The following CEP128 variants were observed in gnomAD, a reference collection of about 807,000 sequenced individuals.
The protein encoded by CEP128 is centrosomal protein 128.
Under a neutral mutation model 156.7 loss-of-function variants are expected in CEP128, and 132 were observed. The ratio of observed to expected loss-of-function variants is 0.84; its 90% CI spans 0.73 to 0.97. The LOEUF (loss-of-function observed/expected upper bound fraction) is 0.97, where lower values mean the gene tolerates loss of function less well. CEP128 is among the 50% of genes least tolerant of loss of function. The pLI is 0.00. For missense variants in CEP128, 1,252 were observed against 1,281.9 expected (o/e 0.98, Z 0.36); for synonymous variants, 469 against 448.9 (o/e 1.04, Z -0.57).
chr14:80,796,961 G>A (rs1883522811), intron 13 of CEP128, among the ~76,000 whole-genome samples: 1 of 152,206 alleles, frequency 6.6e-6, no homozygotes. Flanking sequence ...GAAATGAGCT[G>A]AATTGTGTAT....
chr14:80,832,708 G>T (rs1885871478), intron 12 of CEP128, among the ~76,000 whole-genome samples: 1 of 152,122 alleles, frequency 6.6e-6, no homozygotes, highest in African/African-American at 2.4e-5. Flanking sequence ...TGTTTTTAGG[G>T]AAAGCACATA....
intron 19 of CEP128, among the ~76,000 whole-genome samples, chr14:80,666,971 T>C (rs1337320305): frequency 1.3e-5 from 2 of 152,108 alleles, no homozygotes; most frequent in Non-Finnish European, 2.9e-5. Flanking sequence ...ATAAGTACTA[T>C]ATAAAAACAA....
chr14:80,580,663 C>A (rs899611285), intron 19 of CEP128, among the ~76,000 whole-genome samples: 2 of 152,120 alleles, frequency 1.3e-5, no homozygotes, highest in African/African-American at 4.8e-5. Context: ...CTCAGCTTTA[C>A]CTGACATACC....
At chr14:80,549,147 T>C (rs886841870) in intron 21 of CEP128, among the ~76,000 whole-genome samples, 2 of 152,176 alleles carry the variant, frequency 1.3e-5, no homozygotes, top group Non-Finnish European at 2.9e-5. Flanking sequence ...GGAGAATGTC[T>C]AGATTGTTTC....
At chr14:80,832,452 T>C (rs1885857072) in intron 12 of CEP128, among the ~76,000 whole-genome samples, 1 of 152,264 alleles carries the variant, frequency 6.6e-6, no homozygotes, top group African/African-American at 2.4e-5. Context: ...ACATCATTCA[T>C]AAAATACATT....
intron 21 of CEP128, among the ~76,000 whole-genome samples, chr14:80,540,201 C>A (rs568119931): frequency 2.7e-5 from 4 of 149,240 alleles, no homozygotes; most frequent in African/African-American, 9.9e-5. Flanking sequence ...TCTTACACCC[C>A]CCCCCCTTTT....
At chr14:80,569,567 ACTTT>A (rs577354443) in intron 20 of CEP128, among the ~76,000 whole-genome samples, 181 of 152,322 alleles carry the variant, frequency 1.2e-3, no homozygotes, top group African/African-American at 4.3e-3. Flanking sequence ...TCAAAATTAT[ACTTT>A]CTTTCCATTT....
intron 13 of CEP128, among the ~76,000 whole-genome samples, chr14:80,805,167 C>T (rs566947096): frequency 7.2e-5 from 11 of 151,776 alleles, no homozygotes; most frequent in Admixed American, 6.6e-4. Context: ...CTAGATAAAT[C>T]TAGGAGATTT....
chr14:80,808,393 T>TG (rs1219930206), intron 13 of CEP128, among the ~76,000 whole-genome samples: 1 of 152,158 alleles, frequency 6.6e-6, no homozygotes, highest in African/African-American at 2.4e-5. Context: ...GAGAGCTGCA[T>TG]GTCTGGGCTG....
rs552281037 is a variant in CEP128 at position 80,635,816 on chromosome 14, A to G, written c.2807-55393T>C. On this transcript the variant is annotated intron_variant, in intron 19 of 24. Transcript: ENST00000555265. ...GAACACTGACATGATGCCACAGTGG[A>G]AAATTCCACACCTGACTTCGTGATA... Among the ~76,000 whole-genome samples the G allele has an allele frequency of 9.8e-5, 15 of 152,332 alleles. No individual in the cohort carries two copies. In the East Asian group the frequency reaches 2.5e-3, roughly 26 times the overall value.
rs77041200 is a variant in CEP128 at position 80,669,527 on chromosome 14, A to G, written c.2806+73548T>C. Among the ~76,000 whole-genome samples the G allele has an allele frequency of 7.9e-3, 1,200 of 152,308 alleles. 5 individuals are homozygous for G. The highest frequency in any genetic ancestry group is 0.013 in the Non-Finnish European group (898 of 68,022). On this transcript the variant is annotated intron_variant, in intron 19 of 24. Coordinates refer to ENST00000555265, the MANE Select transcript of CEP128 (RefSeq NM_152446.5). ...CAATGGACATGAATACAGTTTTTAA[A>G]AGAAGACATACAAATGGCCAACAAG...
chr14:80,907,431 G>A (rs1473962253), intron 4 of CEP128, among the ~76,000 whole-genome samples: 5 of 152,040 alleles, frequency 3.3e-5, no homozygotes, highest in East Asian at 3.9e-4. Context: ...AGGCTGAGGC[G>A]GCTGGATCAC....
intron 16 of CEP128, among the ~76,000 whole-genome samples, chr14:80,772,336 C>A (rs1900554272): frequency 2.0e-5 from 3 of 152,170 alleles, no homozygotes; most frequent in East Asian, 1.9e-4. Context: ...ATCTGAACAT[C>A]GAGAGGAGTT....
At chr14:80,497,704 C>T in intron 24 of CEP128, 122 bp from the exon 25 acceptor site, 2 of 661,898 alleles carry the variant, frequency 3.0e-6, no homozygotes, top group South Asian at 3.5e-5. Context: ...TATAATTAAA[C>T]TTCACATGGA....
At chr14:80,803,822 A>G (rs768448898) in intron 13 of CEP128, among the ~76,000 whole-genome samples, 1 of 152,236 alleles carries the variant, frequency 6.6e-6, no homozygotes, top group Admixed American at 6.5e-5. Context: ...TAGTGAAGAA[A>G]AAAAGCCACT....
At chr14:80,680,249 G>C (rs954593654) in intron 19 of CEP128, among the ~76,000 whole-genome samples, 1 of 152,096 alleles carries the variant, frequency 6.6e-6, no homozygotes, top group Non-Finnish European at 1.5e-5. Context: ...TGGGGACCTG[G>C]AACTAATCTG....
intron 17 of CEP128, 37 bp from the exon 18 acceptor site, chr14:80,756,988 T>C: frequency 7.6e-7 from 1 of 1,307,444 alleles, no homozygotes; most frequent in Non-Finnish European, 1.1e-6. Flanking sequence ...AAATACATTT[T>C]TCTCTGACAT....
chr14:80,827,604 T>C (rs977834570), intron 13 of CEP128, among the ~76,000 whole-genome samples: 11 of 152,190 alleles, frequency 7.2e-5, no homozygotes, highest in Non-Finnish European at 2.9e-5. Context: ...CTAGCTGAAG[T>C]GTACAGTATC....
chr14:80,544,868 T>C (rs1209652918), intron 21 of CEP128, among the ~76,000 whole-genome samples: 4 of 152,210 alleles, frequency 2.6e-5, no homozygotes, highest in African/African-American at 9.6e-5. Context: ...CAAGACAGAA[T>C]GGGACTTACT....
Sources: gnomAD v4.1 joint callset for allele counts (sites outside exome capture counted in the v4.1 genomes callset) on GRCh38, gnomAD v4.1.1 for gene constraint, MANE v1.5 for transcripts, NCBI Gene and HGNC (gene_info 2026-07-23, HGNC 2026-07-21) for gene names.